Variants in CHFR observed in about 807,000 individuals in gnomAD.
CHFR encodes the protein checkpoint with forkhead and ring finger domains.
Under a neutral mutation model 87.6 loss-of-function variants are expected in CHFR, and 57 were observed. That is an observed-to-expected ratio of 0.65 (90% confidence interval 0.53 to 0.81). CHFR has a LOEUF of 0.81. Ranked by LOEUF, CHFR falls within the 30% of genes least tolerant of loss-of-function variation. The pLI is 0.00. For synonymous variants in CHFR, 381 were observed against 359.2 expected (o/e 1.06, Z -0.69); for missense variants, 797 against 865.8 (o/e 0.92, Z 1.00).
intron 7 of CHFR, among the ~76,000 whole-genome samples, chr12:132,861,189 A>T (rs1339264087): frequency 2.0e-5 from 3 of 152,214 alleles, no homozygotes; most frequent in African/African-American, 7.2e-5. Flanking sequence ...GCCAGGAAGG[A>T]GGATTTTGAG....
chr12:132,843,276 G>T (rs1249984251), intron 16 of CHFR, among the ~76,000 whole-genome samples, 193 bp from the exon 17 acceptor site: 2 of 152,020 alleles, frequency 1.3e-5, no homozygotes, highest in African/African-American at 4.8e-5. Context: ...AAACCCAACT[G>T]AGGGTCAGGT....
At position 132,861,459 on chromosome 12, in the gene CHFR, A is replaced by T; in HGVS notation, c.751+8T>A. The T allele has an allele frequency of 6.2e-7, 1 of 1,613,904 alleles. No homozygotes were observed. Among genetic ancestry groups the T allele is most frequent in the Non-Finnish European group, 8.5e-7 (1 of 1,179,780 alleles). ...GAGGACTGAGGACACACACAACCAGACACTAACCTCCTCTCATTTTCTTCT... is the reference window on the plus strand; with the variant it reads ...GAGGACTGAGGACACACACAACCAGTCACTAACCTCCTCTCATTTTCTTCT... On this transcript the variant is annotated splice_region_variant and intron_variant, in intron 7 of 17. Coordinates refer to ENST00000450056, the MANE Select transcript of CHFR (RefSeq NM_001161346.2).
chr12:132,859,764 AG>A (rs1427279079), intron 7 of CHFR, among the ~76,000 whole-genome samples: 1 of 152,202 alleles, frequency 6.6e-6, no homozygotes, highest in East Asian at 1.9e-4. Context: ...AGAAGAAGCC[AG>A]GTGCAATGGC....
intron 13 of CHFR, 85 bp from the exon 14 acceptor site, chr12:132,848,240 T>A: frequency 6.3e-7 from 1 of 1,593,562 alleles, no homozygotes; most frequent in Non-Finnish European, 8.6e-7. Flanking sequence ...ATAAACATAT[T>A]TCTTTTCATT....
At chr12:132,856,387 C>T in intron 10 of CHFR, 81 bp downstream of exon 10, 1 of 1,464,332 alleles carries the variant, frequency 6.8e-7, no homozygotes, top group Non-Finnish European at 9.5e-7. Context: ...CCATGCTGTC[C>T]ACCCAGTAGT....
At chr12:132,860,578 G>A (rs1018595819) in intron 7 of CHFR, among the ~76,000 whole-genome samples, 3 of 152,172 alleles carry the variant, frequency 2.0e-5, no homozygotes, top group Non-Finnish European at 4.4e-5. Flanking sequence ...CCCAGTGGCT[G>A]GCTGCTCTCT....
At chr12:132,860,939 G>A (rs1467766605) in intron 7 of CHFR, among the ~76,000 whole-genome samples, 2 of 152,198 alleles carry the variant, frequency 1.3e-5, no homozygotes, top group African/African-American at 4.8e-5. Flanking sequence ...TTTTAGTAGA[G>A]ACGGAGTTTC....
chr12:132,857,493 CAG>C lies in CHFR; in HGVS notation c.976_977del (p.Leu326ValfsTer13), dbSNP rs1951108714. 6.2e-7 allele frequency: 1 copy of C among 1,614,064 alleles called. No homozygotes were observed. ...CYSGWMERSS[L>X]CPTCRCPVER... is the part of the protein sequence containing the mutation. The stretch of plus-strand genomic sequence containing the variant: ...CCACGGGACAGCGGCAGGTAGGACA[CAG>C]GGACGAGCGCTCCATCCAGCCCGAG... On this transcript the variant is annotated frameshift_variant, in exon 9 of 18. Coordinates refer to ENST00000450056, the MANE Select transcript of CHFR (RefSeq NM_001161346.2). LOFTEE classifies it high-confidence loss of function.
chr12:132,862,509 T>C (rs1951235699), intron 6 of CHFR: 6 of 405,940 alleles, frequency 1.5e-5, no homozygotes, highest in South Asian at 7.3e-5. Flanking sequence ...GAGGCTGAGG[T>C]GAGTGGATCA....
In CHFR at chr12:132,841,484, T is replaced by G. The variant is rs1286369531; in HGVS notation, c.*70A>C. The G allele has an allele frequency of 1.5e-6, 2 of 1,371,678 alleles. No homozygotes were observed. Among genetic ancestry groups the G allele is most frequent in the South Asian group, 1.2e-5 (1 of 86,092 alleles). The allele number at this position is 1,371,678 out of a possible 1,614,324, so 85.0% of individuals were successfully genotyped here. A position where few individuals can be genotyped will look rare whatever the true frequency, so the allele number is the denominator to read the frequency against. On this transcript the variant is annotated 3_prime_UTR_variant, in exon 18 of 18. Transcript: ENST00000450056. ...GGGCTGTGAAAACACCTTGACGTGC[T>G]TGTCTCTGTATTTTAAAAACACGCT... is the stretch of plus-strand genomic sequence containing the variant.
chr12:132,840,937 G>T lies in CHFR; in HGVS notation c.*617C>A, dbSNP rs1950694917. ...AGGTTTCTTTTTTTAATAAACAGAA[G>T]CATATGCTTATTCTTTCAAATACCA... is the stretch of plus-strand genomic sequence containing the variant. On this transcript the variant is annotated 3_prime_UTR_variant, in exon 18 of 18. Coordinates refer to ENST00000450056, the MANE Select transcript of CHFR (RefSeq NM_001161346.2). 1 of 152,544 alleles carries T rather than the reference G, an allele frequency of 6.6e-6. No individual in the cohort carries two copies. The highest frequency in any genetic ancestry group is 1.5e-5 in the Non-Finnish European group (1 of 68,028). The allele number at this position is 152,544 out of a possible 1,614,324, so 9.4% of individuals were successfully genotyped here. A position where few individuals can be genotyped will look rare whatever the true frequency, so the allele number is the denominator to read the frequency against.
At chr12:132,843,673 GA>G (rs1950748393) in intron 16 of CHFR, among the ~76,000 whole-genome samples, 1 of 152,026 alleles carries the variant, frequency 6.6e-6, no homozygotes, top group Non-Finnish European at 1.5e-5. Flanking sequence ...TGTCTGTAAA[GA>G]AAAGAGTGCT....
Position 132,869,720 on chromosome 12 carries a change from T to G in CHFR, c.482A>C (p.Glu161Ala). The G allele has an allele frequency of 5.8e-6, 9 of 1,551,696 alleles. No individual in the cohort carries two copies. Among genetic ancestry groups the G allele is most frequent in the Non-Finnish European group, 7.8e-6 (9 of 1,147,002 alleles). ...PSSPATQVCF[E>A]EPQPSTSTSD... ...CGTCGATGTTGATGGCTGTGGTTCCTCAAAGCACACCTGAGTGGCGGGCGA... is the reference window on the plus strand; with the variant it reads ...CGTCGATGTTGATGGCTGTGGTTCCGCAAAGCACACCTGAGTGGCGGGCGA... Residue 161 changes from glutamate (E) to alanine (A), a missense_variant, in exon 6 of 18, where the codon GAG (glutamate) becomes GCG (alanine). This residue lies in a region of CHFR where 597 missense variants were observed against 601.2 expected (regional missense o/e 0.99). Transcript: ENST00000450056.
chr12:132,857,566 G>A lies in CHFR; in HGVS notation c.912-7C>T. ...GTGCATGCAGGGCTGCAAACTGAAA[G>A]TGCAAGAGGAACAGTGTCCAGACAG... On this transcript the variant is annotated splice_region_variant and splice_polypyrimidine_tract_variant and intron_variant, in intron 8 of 17. Transcript: ENST00000450056. 6.2e-7 allele frequency: 1 copy of A among 1,613,370 alleles called. No homozygotes were observed. Among genetic ancestry groups the A allele is most frequent in the East Asian group, 2.2e-5 (1 of 44,870 alleles).
intron 15 of CHFR, among the ~76,000 whole-genome samples, chr12:132,845,827 A>G (rs955354402): frequency 6.6e-6 from 1 of 152,202 alleles, no homozygotes; most frequent in Non-Finnish European, 1.5e-5. Context: ...GACAAGTGGT[A>G]GAGACCCTCC....
At chr12:132,880,862 G>A (rs1951751798) in intron 2 of CHFR, among the ~76,000 whole-genome samples, 1 of 152,004 alleles carries the variant, frequency 6.6e-6, no homozygotes, top group Admixed American at 6.6e-5. Flanking sequence ...CTACACGGGA[G>A]GCTAAGGCAG....
At chr12:132,883,386 A>G (rs1363150605) in intron 2 of CHFR, among the ~76,000 whole-genome samples, 1 of 142,602 alleles carries the variant, frequency 7.0e-6, no homozygotes, top group African/African-American at 2.6e-5. Context: ...AGATCACATC[A>G]TTGCACTCCA....
intron 12 of CHFR, among the ~76,000 whole-genome samples, chr12:132,850,749 A>C (rs547083252): frequency 4.6e-5 from 7 of 152,164 alleles, no homozygotes; most frequent in Non-Finnish European, 7.4e-5. Context: ...CTCAGTGCAC[A>C]GAGCAACACC....
rs1950865707 is a variant in CHFR, at chr12:132,848,096, C to G, written c.1636G>C (p.Asp546His). Residue 546 changes from aspartate (D) to histidine (H), a missense_variant, in exon 14 of 18, where the codon GAC becomes CAC. Physicochemically the swap from Asp to His is moderately conservative, Grantham distance 81. Transcript: ENST00000450056. Reference sequence around the variant, plus strand: ...CAGCGAGTCGGTACCTTCAGGATGTCTGACTCGTAGCTGTTGTTGTTCAGC... The same window carrying G: ...CAGCGAGTCGGTACCTTCAGGATGTGTGACTCGTAGCTGTTGTTGTTCAGC... ...GVLNNNSYES[D>H]ILKNYLATRG... The G allele has an allele frequency of 6.2e-7, 1 of 1,614,166 alleles. No homozygotes were observed. Among genetic ancestry groups the G allele is most frequent in the South Asian group, 1.1e-5 (1 of 91,078 alleles).
Sources: allele counts gnomAD v4.1 joint callset (sites outside exome capture counted in the v4.1 genomes callset), GRCh38; gene constraint gnomAD v4.1.1; regional missense constraint gnomAD v4.1.1; transcripts MANE v1.5; gene names NCBI Gene and HGNC (gene_info 2026-07-23, HGNC 2026-07-21).